Variants in CLASP2 observed in about 807,000 individuals in gnomAD.
The protein encoded by CLASP2 is cytoplasmic linker associated protein 2.
Under a neutral mutation model 194.4 loss-of-function variants are expected in CLASP2, and 47 were observed. The ratio of observed to expected loss-of-function variants is 0.24; its 90% CI spans 0.19 to 0.31. The LOEUF (loss-of-function observed/expected upper bound fraction) is 0.31. CLASP2 is among the 10% of genes least tolerant of loss of function. The pLI is 1.00. For missense variants in CLASP2, 1,445 were observed against 1,823.6 expected, an observed-to-expected ratio of 0.79 and a Z score of 3.78; for synonymous variants, 619 against 633.5, an observed-to-expected ratio of 0.98 and a Z score of 0.34.
chr3:33,571,010 TATA>T lies in CLASP2; in HGVS notation c.2700-223_2700-221del, dbSNP rs1248479792. Among the ~76,000 whole-genome samples the T allele has an allele frequency of 9.8e-5, 14 of 143,342 alleles. No homozygotes were observed. The Admixed American group carries it at 1.0e-3, about 10-fold the overall frequency. The allele number at this position is 143,342 out of a possible 152,430, so 94.0% of individuals were successfully genotyped here. On this transcript the variant is annotated intron_variant, in intron 25 of 38. Transcript: ENST00000682230. ...GGGCAAGATGGCAAGATCCTGTCTC[TATA>T]AATTTTTTTTTTTTTTTTTTGAGAC...
intron 20 of CLASP2, among the ~76,000 whole-genome samples, chr3:33,592,889 G>A (rs2069159553): frequency 6.6e-6 from 1 of 152,088 alleles, no homozygotes; most frequent in African/African-American, 2.4e-5. Context: ...GCCTAAGCTT[G>A]GAAACAATTC....
chr3:33,516,479 C>A (rs1221345065), intron 35 of CLASP2, among the ~76,000 whole-genome samples: 4 of 151,948 alleles, frequency 2.6e-5, no homozygotes, highest in Non-Finnish European at 5.9e-5. Flanking sequence ...ACCAGCCTGG[C>A]CAACATGGTG....
chr3:33,612,893 TA>T (rs1479688311), intron 12 of CLASP2, among the ~76,000 whole-genome samples: 1 of 152,126 alleles, frequency 6.6e-6, no homozygotes, highest in East Asian at 1.9e-4. Flanking sequence ...CTAGGAAGGA[TA>T]GGGGGAGGAG....
chr3:33,502,099 G>C, intron 37 of CLASP2: 1 of 202,974 alleles, frequency 4.9e-6, no homozygotes, highest in South Asian at 1.1e-4. Context: ...TAGGTTTTAA[G>C]GCAGTCAGCA....
At chr3:33,625,692 G>C (rs763309007) in intron 10 of CLASP2, among the ~76,000 whole-genome samples, 1 of 151,624 alleles carries the variant, frequency 6.6e-6, no homozygotes, top group Non-Finnish European at 1.5e-5. Context: ...TTTTTTTAGA[G>C]ATAGCGTTTC....
intron 8 of CLASP2, among the ~76,000 whole-genome samples, chr3:33,633,458 A>C (rs959401004): frequency 7.9e-5 from 12 of 152,210 alleles, no homozygotes; most frequent in African/African-American, 2.9e-4. Context: ...TGTTTCTGGT[A>C]GGCCCAAAGG....
chr3:33,603,359 G>A (rs1178624388), intron 17 of CLASP2, among the ~76,000 whole-genome samples: 5 of 152,132 alleles, frequency 3.3e-5, no homozygotes, highest in South Asian at 2.1e-4. Flanking sequence ...CCATAAAAAT[G>A]GGAAAAATGG....
chr3:33,634,970 T>C (rs1043475676), intron 8 of CLASP2, among the ~76,000 whole-genome samples: 14 of 151,892 alleles, frequency 9.2e-5, no homozygotes, highest in African/African-American at 2.9e-4. Context: ...AGCACTGAAA[T>C]AAATGGAGAG....
chr3:33,568,955 A>G (rs1486727047), intron 26 of CLASP2, among the ~76,000 whole-genome samples: 2 of 152,210 alleles, frequency 1.3e-5, no homozygotes, highest in Non-Finnish European at 2.9e-5. Flanking sequence ...AGTATCCTTA[A>G]TGAATTACAT....
intron 29 of CLASP2, among the ~76,000 whole-genome samples, chr3:33,552,441 G>A (rs1033726725): frequency 5.3e-5 from 8 of 152,114 alleles, no homozygotes; most frequent in Non-Finnish European, 8.8e-5. Context: ...TTCTTGATGT[G>A]TAGGTGCATG....
chr3:33,572,472 C>T (rs1221873941), intron 25 of CLASP2, among the ~76,000 whole-genome samples: 1 of 152,112 alleles, frequency 6.6e-6, no homozygotes, highest in African/African-American at 2.4e-5. Context: ...CTGCACATTC[C>T]ACCATGCTTA....
intron 1 of CLASP2, among the ~76,000 whole-genome samples, chr3:33,713,822 C>T (rs957285538): frequency 6.6e-6 from 1 of 152,088 alleles, no homozygotes; most frequent in Non-Finnish European, 1.5e-5. Context: ...CTTGCTCAGG[C>T]TGTGTTTTCT....
intron 8 of CLASP2, among the ~76,000 whole-genome samples, chr3:33,633,756 TA>T (rs2079562886): frequency 6.6e-6 from 1 of 152,146 alleles, no homozygotes; most frequent in Admixed American, 6.5e-5. Context: ...TACAAGAGTT[TA>T]AATTTTTTAA....
chr3:33,512,731 TATAATCCCAG>T (rs1240045793), intron 36 of CLASP2, among the ~76,000 whole-genome samples: 1 of 142,914 alleles, frequency 7.0e-6, no homozygotes, highest in Non-Finnish European at 1.5e-5. Flanking sequence ...TGGCTCAGCC[TATAATCCCAG>T]CACTTTGGGA....
intron 31 of CLASP2, among the ~76,000 whole-genome samples, chr3:33,544,315 G>A (rs995605678): frequency 6.6e-6 from 1 of 152,054 alleles, no homozygotes; most frequent in Non-Finnish European, 1.5e-5. Flanking sequence ...TACCTCCTTT[G>A]AATCTTATTT....
chr3:33,584,608 T>C lies in CLASP2; in HGVS notation c.2239+142A>G, dbSNP rs1169171836. ...GATACCTAATTCAACTCATAAACTATTCTTCAATTGTTGAATTTTTAAGTT... is the reference window on the plus strand; with the variant it reads ...GATACCTAATTCAACTCATAAACTACTCTTCAATTGTTGAATTTTTAAGTT... On this transcript the variant is annotated intron_variant, in intron 22 of 38. Coordinates refer to ENST00000682230, the MANE Select transcript of CLASP2 (RefSeq NM_001365631.1). The C allele has an allele frequency of 1.7e-5, 13 of 781,526 alleles. No individual in the cohort carries two copies. The African/African-American group carries it at 2.1e-4, about 13-fold the overall frequency. 48.4% of individuals were successfully genotyped at this position (781,526 alleles called of 1,614,324 possible). A position where few individuals can be genotyped will look rare whatever the true frequency, so the allele number is the denominator to read the frequency against.
chr3:33,524,299 T>C (rs773590904), intron 34 of CLASP2, among the ~76,000 whole-genome samples: 3 of 152,106 alleles, frequency 2.0e-5, no homozygotes, highest in African/African-American at 7.2e-5. Flanking sequence ...GTAATAGTAA[T>C]AGGTATATCA....
intron 4 of CLASP2, 36 bp from the exon 5 acceptor site, chr3:33,687,171 G>A (rs780956914): frequency 1.7e-5 from 23 of 1,391,164 alleles, no homozygotes; most frequent in Non-Finnish European, 3.9e-6. Flanking sequence ...AAGAAAATTT[G>A]TTTTTAATAA....
In CLASP2 at chr3:33,685,508, A is replaced by T. The variant is rs115137712; in HGVS notation, c.547-1052T>A. ...ACTCAAACAGATACTTTTTACACTAATATTCACAACAGCATTATTCACAAC... is the reference window on the plus strand; with the variant it reads ...ACTCAAACAGATACTTTTTACACTATTATTCACAACAGCATTATTCACAAC... On this transcript the variant is annotated intron_variant, in intron 5 of 38. Coordinates refer to ENST00000682230, the MANE Select transcript of CLASP2 (RefSeq NM_001365631.1). Among the ~76,000 whole-genome samples, 526 of 152,236 alleles carry T rather than the reference A, an allele frequency of 3.5e-3. 3 individuals are homozygous for T. Among genetic ancestry groups the T allele is most frequent in the African/African-American group, 0.011 (476 of 41,512 alleles).
Sources: gnomAD v4.1 joint callset for allele counts (sites outside exome capture counted in the v4.1 genomes callset) on GRCh38, gnomAD v4.1.1 for gene constraint, MANE v1.5 for transcripts, NCBI Gene and HGNC (gene_info 2026-07-23, HGNC 2026-07-21) for gene names.